PRPSAP2: variants seen among roughly 807,000 people sequenced by gnomAD.
PRPSAP2 encodes phosphoribosyl pyrophosphate synthase-associated protein 2.
PRPSAP2 carries 24 observed loss-of-function variants against 40.6 expected under a neutral mutation model. That is an observed-to-expected ratio of 0.59 (90% CI 0.43 to 0.83). The LOEUF (loss-of-function observed/expected upper bound fraction) is 0.83, where lower values mean the gene tolerates loss of function less well. Among genes scored for constraint, PRPSAP2 ranks in the 40% least tolerant of loss-of-function variants. The probability of loss-of-function intolerance (pLI) is 0.00; values close to 1 mark genes in which losing one functional copy is unlikely to be tolerated. For missense variants in PRPSAP2, 292 were observed against 465.6 expected, an observed-to-expected ratio of 0.63 and a Z score of 3.43; for synonymous variants, 149 against 164.7, an observed-to-expected ratio of 0.90 and a Z score of 0.73.
At chr17:18,872,281 A>T (rs1353442833) in intron 4 of PRPSAP2, among the ~76,000 whole-genome samples, 1 of 152,046 alleles carries the variant, frequency 6.6e-6, no homozygotes, top group African/African-American at 2.4e-5. Context: ...TCAAAAAAAA[A>T]AAAAAAAAAG....
chr17:18,930,115 G>T (rs1405841758), intron 11 of PRPSAP2, among the ~76,000 whole-genome samples: 2 of 152,206 alleles, frequency 1.3e-5, no homozygotes, highest in African/African-American at 4.8e-5. Flanking sequence ...GCTCACGCCT[G>T]TAATCCCAGC....
chr17:18,910,230 G>A (rs2040874812), intron 8 of PRPSAP2, among the ~76,000 whole-genome samples: 1 of 152,114 alleles, frequency 6.6e-6, no homozygotes, highest in African/African-American at 2.4e-5. Flanking sequence ...GACCAGTCTG[G>A]CTAACATGGT....
intron 8 of PRPSAP2, among the ~76,000 whole-genome samples, chr17:18,903,267 G>A (rs747766637): frequency 6.7e-6 from 1 of 150,088 alleles, no homozygotes; most frequent in African/African-American, 2.5e-5. Context: ...AGCCCAGATC[G>A]TGCCATTGCA....
intron 9 of PRPSAP2, among the ~76,000 whole-genome samples, chr17:18,921,706 C>T (rs534307020): frequency 1.3e-5 from 2 of 152,270 alleles, no homozygotes; most frequent in South Asian, 2.1e-4. Context: ...TCTCACAGTA[C>T]GTAGGGTGGT....
At chr17:18,879,167 G>A (rs2038531343) in intron 6 of PRPSAP2, among the ~76,000 whole-genome samples, 1 of 152,228 alleles carries the variant, frequency 6.6e-6, no homozygotes, top group Non-Finnish European at 1.5e-5. Flanking sequence ...ACCATAGCCA[G>A]CCTGAATGTA....
At chr17:18,874,585 C>T (rs1281325664) in intron 5 of PRPSAP2, among the ~76,000 whole-genome samples, 1 of 152,172 alleles carries the variant, frequency 6.6e-6, no homozygotes, top group Non-Finnish European at 1.5e-5. Flanking sequence ...CCCTGGCAAA[C>T]GGGTGTGCTC....
intron 8 of PRPSAP2, among the ~76,000 whole-genome samples, chr17:18,910,191 G>A (rs1397544869): frequency 6.6e-6 from 1 of 152,150 alleles, no homozygotes; most frequent in Non-Finnish European, 1.5e-5. Context: ...AGGTCGAGGT[G>A]GGTGGATCAT....
chr17:18,882,805 A>C, intron 7 of PRPSAP2, 122 bp downstream of exon 7: 1 of 652,936 alleles, frequency 1.5e-6, no homozygotes, highest in South Asian at 2.1e-5. Flanking sequence ...GTACCATTAT[A>C]CTTTATAGCT....
chr17:18,906,543 C>T (rs962410479), intron 8 of PRPSAP2, among the ~76,000 whole-genome samples: 1 of 151,094 alleles, frequency 6.6e-6, no homozygotes, highest in African/African-American at 2.4e-5. Flanking sequence ...TTTGTAGAGA[C>T]GAGGTCTCCC....
At chr17:18,902,382 T>C (rs185917093) in intron 8 of PRPSAP2, among the ~76,000 whole-genome samples, 11 of 152,310 alleles carry the variant, frequency 7.2e-5, no homozygotes, top group African/African-American at 2.4e-4. Context: ...TTTTTATCTA[T>C]GTTATGTTAT....
chr17:18,882,534 CTATT>C (rs1172566243), intron 6 of PRPSAP2, 30 bp from the exon 7 acceptor site: 2 of 1,322,250 alleles, frequency 1.5e-6, no homozygotes, highest in East Asian at 4.6e-5. Flanking sequence ...AAAAACAAAA[CTATT>C]TATTGCTTGT....
At chr17:18,902,830 T>G (rs2040353122) in intron 8 of PRPSAP2, among the ~76,000 whole-genome samples, 1 of 140,362 alleles carries the variant, frequency 7.1e-6, no homozygotes, top group Non-Finnish European at 1.5e-5. Flanking sequence ...GATTGCGCCA[T>G]TGTACTCCAG....
intron 9 of PRPSAP2, chr17:18,917,511 C>G (rs182990198): frequency 6.9e-6 from 1 of 144,732 alleles, no homozygotes; most frequent in Non-Finnish European, 1.5e-5. Flanking sequence ...GTAGCTGGGA[C>G]TACCGGTACA....
intron 8 of PRPSAP2, chr17:18,908,134 G>A: frequency 1.8e-6 from 1 of 558,584 alleles, no homozygotes. Flanking sequence ...ACTCCAGCCT[G>A]GGCGACAGAG....
rs1240984533 is a variant in PRPSAP2, at chr17:18,865,966, G to A, written c.119+14G>A. ...GAAAATTGCAGAGTGAGTTATAATT[G>A]TACCATTAAAATCTATATTCATTAT... On this transcript the variant is annotated intron_variant, in intron 3 of 11. Coordinates refer to ENST00000268835, the MANE Select transcript of PRPSAP2 (RefSeq NM_002767.4). 5 of 1,396,290 alleles carry A rather than the reference G, an allele frequency of 3.6e-6. No homozygotes were observed. The highest frequency in any genetic ancestry group is 1.9e-4 in the Middle Eastern group (1 of 5,308). 86.5% of individuals were successfully genotyped at this position (1,396,290 alleles called of 1,614,324 possible).
chr17:18,866,346 C>T (rs985532571), intron 3 of PRPSAP2, among the ~76,000 whole-genome samples: 9 of 152,078 alleles, frequency 5.9e-5, no homozygotes, highest in Admixed American at 2.6e-4. Flanking sequence ...GGGTGTATCA[C>T]GAGGTCAGGA....
In PRPSAP2 at chr17:18,911,015, T is replaced by G. The variant is rs528509594; in HGVS notation, c.585-88T>G. The G allele has an allele frequency of 2.9e-6, 4 of 1,385,606 alleles. No individual in the cohort carries two copies. In the South Asian group the frequency reaches 6.5e-5, roughly 22 times the overall value. 85.8% of individuals were successfully genotyped at this position (1,385,606 alleles called of 1,614,324 possible). A position where few individuals can be genotyped will look rare whatever the true frequency, so the allele number is the denominator to read the frequency against. On this transcript the variant is annotated intron_variant, in intron 8 of 11. Coordinates refer to ENST00000268835, the MANE Select transcript of PRPSAP2 (RefSeq NM_002767.4). This position sits in a 1 kb window ranked among gnomAD's most constrained non-coding sequence, Gnocchi z 4.5. ...AGTCCTTTGGGAGACAACATTCTACTTATGTTCTCTTAATGTTTTGTCCCC... is the reference window on the plus strand; with the variant it reads ...AGTCCTTTGGGAGACAACATTCTACGTATGTTCTCTTAATGTTTTGTCCCC...
intron 7 of PRPSAP2, among the ~76,000 whole-genome samples, chr17:18,886,921 CTT>C (rs2039188981): frequency 8.1e-6 from 1 of 122,710 alleles, no homozygotes. Flanking sequence ...GATAATTTTT[CTT>C]TTCTTCTTTT....
Position 18,908,644 on chromosome 17 carries a change from G to A in PRPSAP2, c.585-2459G>A, listed in dbSNP as rs568215996. On this transcript the variant is annotated intron_variant, in intron 8 of 11. Coordinates refer to ENST00000268835, the MANE Select transcript of PRPSAP2 (RefSeq NM_002767.4). ...TGCCTGGGTCTGGAACACCCACGCC[G>A]ACTTCGCCAACGAGTGCCCCAAGCC... 43 of 720,900 alleles carry A rather than the reference G, an allele frequency of 6.0e-5. No homozygotes were observed. The African/African-American group carries it at 6.8e-4, about 11-fold the overall frequency. The allele number at this position is 720,900 out of a possible 1,614,324, so 44.7% of individuals were successfully genotyped here.
Sources: gnomAD v4.1 joint callset for allele counts (sites outside exome capture counted in the v4.1 genomes callset) on GRCh38, gnomAD v4.1.1 for gene constraint, Gnocchi (gnomAD v3.1) non-coding constraint, MANE v1.5 for transcripts, NCBI Gene and HGNC (gene_info 2026-07-23, HGNC 2026-07-21) for gene names.